DRAXIN: variants seen among roughly 807,000 people sequenced by gnomAD.
DRAXIN encodes dorsal inhibitory axon guidance protein.
A neutral mutation model predicts 33.9 loss-of-function variants in DRAXIN; 27 were observed. The ratio of observed to expected loss-of-function variants is 0.80; its 90% CI spans 0.59 to 1.10. The LOEUF (loss-of-function observed/expected upper bound fraction) is 1.10, where lower values mean the gene tolerates loss of function less well. Ranked by LOEUF, DRAXIN falls within the 50% of genes least tolerant of loss-of-function variation. The pLI is 0.00. For missense variants in DRAXIN, 371 were observed against 460.8 expected, an observed-to-expected ratio of 0.81 and a Z score of 1.78; for synonymous variants, 178 against 194.0, an observed-to-expected ratio of 0.92 and a Z score of 0.69.
intron 2 of DRAXIN, 95 bp from the exon 3 acceptor site, chr1:11,709,180 C>A (rs1641435912): frequency 7.7e-7 from 1 of 1,303,744 alleles, no homozygotes; most frequent in Admixed American, 2.8e-5. Flanking sequence ...GTGCCTGCTG[C>A]CTCCTAGTTT....
chr1:11,714,506 C>T (rs574631311), intron 5 of DRAXIN, among the ~76,000 whole-genome samples: 5 of 152,342 alleles, frequency 3.3e-5, no homozygotes, highest in South Asian at 4.1e-4. Context: ...CAAGAGAGAT[C>T]GGAGCGGCAC....
At position 11,719,670 on chromosome 1, in the gene DRAXIN, G is replaced by T. The variant is rs759042890; in HGVS notation, c.1024G>T (p.Asp342Tyr). ...RCVEPETANGDQGSFINV is the reference protein window; with the variant it reads ...RCVEPETANGYQGSFINV The stretch of plus-strand genomic sequence containing the variant: ...TGTGGAGCCCGAGACGGCCAACGGC[G>T]ACCAGGGATCCTTCATCAACGTCTA... Residue 342 changes from aspartate (D) to tyrosine (Y), a missense_variant, in exon 7 of 7, where the codon GAC becomes TAC. Coordinates refer to ENST00000294485, the MANE Select transcript of DRAXIN (RefSeq NM_198545.4). 2 of 1,613,918 alleles carry T rather than the reference G, an allele frequency of 1.2e-6. No homozygotes were observed. The highest frequency in any genetic ancestry group is 2.2e-5 in the East Asian group (1 of 44,894).
At chr1:11,690,929 A>AGTGT (rs57223755), upstream of DRAXIN, among the ~76,000 whole-genome samples, 474 of 150,654 alleles carry the variant, frequency 3.1e-3, 5 homozygotes, top group African/African-American at 0.011. The surrounding 1 kb of genome is among the most constrained non-coding windows in gnomAD (Gnocchi z 4.2). Flanking sequence ...GCCGCGTGTG[A>AGTGT]GTGTGTGTGT....
rs1015110504 is a variant in DRAXIN at position 11,723,110 on chromosome 1, A to C, written c.*3414A>C. The C allele has an allele frequency of 2.0e-5, 3 of 152,144 alleles. No individual in the cohort carries two copies. Among genetic ancestry groups the C allele is most frequent in the African/African-American group, 7.2e-5 (3 of 41,434 alleles). The allele number at this position is 152,144 out of a possible 1,614,324, so 9.4% of individuals were successfully genotyped here. On this transcript the variant is annotated 3_prime_UTR_variant, in exon 7 of 7. Transcript: ENST00000294485. Reference sequence around the variant, plus strand: ...CCAAAATGCTGGGATTACAGGTGTGAGCCACCGCACCTGGCCATAAAATAT... The same window carrying C: ...CCAAAATGCTGGGATTACAGGTGTGCGCCACCGCACCTGGCCATAAAATAT...
rs1570315478 is a variant in DRAXIN at position 11,709,599 on chromosome 1, TCTC to T, written c.642+137_642+139del. On this transcript the variant is annotated intron_variant, in intron 3 of 6. Coordinates refer to ENST00000294485, the MANE Select transcript of DRAXIN (RefSeq NM_198545.4). ...AGAGCTTACTTAGATTGAAACCAGA[TCTC>T]CTGCTGCCCATCCAGTCTAGCTCCA... 15 of 1,108,792 alleles carry T rather than the reference TCTC, an allele frequency of 1.4e-5. No individual in the cohort carries two copies. In the East Asian group the frequency reaches 4.1e-4, roughly 30 times the overall value. 68.7% of individuals were successfully genotyped at this position (1,108,792 alleles called of 1,614,324 possible).
intron 1 of DRAXIN, among the ~76,000 whole-genome samples, chr1:11,698,231 G>C (rs1641222398): frequency 6.6e-6 from 1 of 152,176 alleles, no homozygotes; most frequent in South Asian, 2.1e-4. Context: ...CTTGGGAAGA[G>C]CTCAGCCCAG....
rs12138636 is a variant in DRAXIN at position 11,721,877 on chromosome 1, T to C, written c.*2181T>C. The C allele has an allele frequency of 2.0e-5, 3 of 152,088 alleles. No homozygotes were observed. Among genetic ancestry groups the C allele is most frequent in the Admixed American group, 6.6e-5 (1 of 15,260 alleles). 9.4% of individuals were successfully genotyped at this position (152,088 alleles called of 1,614,324 possible). A position where few individuals can be genotyped will look rare whatever the true frequency, so the allele number is the denominator to read the frequency against. On this transcript the variant is annotated 3_prime_UTR_variant, in exon 7 of 7. Transcript: ENST00000294485. ...GGGCTCATGTCTGACATCCCAGCAC[T>C]CTGGGAGGCCGAGGTAGGCAGATCA...
intron 1 of DRAXIN, among the ~76,000 whole-genome samples, chr1:11,698,841 C>T (rs762546909): frequency 6.6e-6 from 1 of 152,168 alleles, no homozygotes; most frequent in South Asian, 2.1e-4. Flanking sequence ...TAGGGCAGAG[C>T]AAGACTCTGT....
intron 5 of DRAXIN, among the ~76,000 whole-genome samples, chr1:11,714,106 A>G (rs1641537936): frequency 6.6e-6 from 1 of 152,110 alleles, no homozygotes; most frequent in Admixed American, 6.6e-5. Context: ...TCAGGAGGCT[A>G]AGGCAGGAGG....
At position 11,704,915 on chromosome 1, in the gene DRAXIN, G is replaced by T. The variant is rs947128808; in HGVS notation, c.-10-1334G>T. On this transcript the variant is annotated intron_variant, in intron 1 of 6. Transcript: ENST00000294485. The surrounding 1 kb of genome is among the most constrained non-coding windows in gnomAD (Gnocchi z 4.6). ...GTGAAGCCACCACAGACCCTGCGAG[G>T]CTGGAGAAGGTGTTTCCCCCCTCCC... 6.6e-6 allele frequency among the ~76,000 whole-genome samples: 1 copy of T among 152,158 alleles called. No individual in the cohort carries two copies. Among genetic ancestry groups the T allele is most frequent in the Non-Finnish European group, 1.5e-5 (1 of 68,014 alleles).
chr1:11,689,116 C>T (rs747079626), upstream of DRAXIN, among the ~76,000 whole-genome samples: 3 of 151,706 alleles, frequency 2.0e-5, no homozygotes, highest in Non-Finnish European at 2.9e-5. Flanking sequence ...GGCAACATGG[C>T]GAAACCCTGT....
chr1:11,691,119 C>T (rs1052017373), upstream of DRAXIN, among the ~76,000 whole-genome samples: 3 of 152,212 alleles, frequency 2.0e-5, no homozygotes, highest in African/African-American at 7.2e-5. Flanking sequence ...TGCGCACTTT[C>T]TGCGGCTACA....
At chr1:11,703,924 G>T (rs1426621482) in intron 1 of DRAXIN, among the ~76,000 whole-genome samples, 1 of 152,142 alleles carries the variant, frequency 6.6e-6, no homozygotes, top group African/African-American at 2.4e-5. Context: ...GTGTTGGAGT[G>T]GGGCAGGAGT....
In DRAXIN at chr1:11,723,291, C is replaced by T. The variant is rs1570325255; in HGVS notation, c.*3595C>T. On this transcript the variant is annotated 3_prime_UTR_variant, in exon 7 of 7. Coordinates refer to ENST00000294485, the MANE Select transcript of DRAXIN (RefSeq NM_198545.4). Reference sequence around the variant, plus strand: ...CACTCTCAACGCTGGCTGCACGTTGCAATAATCCAGGAACATTCACAGGCC... The same window carrying T: ...CACTCTCAACGCTGGCTGCACGTTGTAATAATCCAGGAACATTCACAGGCC... 6.6e-6 allele frequency: 1 copy of T among 152,224 alleles called. No individual in the cohort carries two copies. Among genetic ancestry groups the T allele is most frequent in the African/African-American group, 2.4e-5 (1 of 41,450 alleles). The allele number at this position is 152,224 out of a possible 1,614,324, so 9.4% of individuals were successfully genotyped here.
intron 1 of DRAXIN, among the ~76,000 whole-genome samples, chr1:11,701,601 T>C (rs1471525488): frequency 6.6e-6 from 1 of 152,208 alleles, no homozygotes; most frequent in Admixed American, 6.5e-5. Context: ...GTTGTGGATG[T>C]TCCTGCCATC....
intron 5 of DRAXIN, among the ~76,000 whole-genome samples, chr1:11,714,359 G>A (rs1404894511): frequency 6.6e-6 from 1 of 152,228 alleles, no homozygotes; most frequent in Non-Finnish European, 1.5e-5. Flanking sequence ...TGTTAGACGA[G>A]GCCCGTGCTG....
Position 11,719,582 on chromosome 1 carries a change from A to G in DRAXIN, c.938-2A>G, listed in dbSNP as rs199827657. The G allele has an allele frequency of 3.0e-5, 48 of 1,609,942 alleles. No homozygotes were observed. The Admixed American group carries it at 6.0e-4, about 20-fold the overall frequency. On this transcript the variant is annotated splice_acceptor_variant, in intron 6 of 6. Coordinates refer to ENST00000294485, the MANE Select transcript of DRAXIN (RefSeq NM_198545.4). LOFTEE classifies it high-confidence loss of function. Reference sequence around the variant, plus strand: ...TGACCCCCCTTGCCTCCACTCGCCCAGGGCTGCGCTGCTATGCCAAATTCC... The same window carrying G: ...TGACCCCCCTTGCCTCCACTCGCCCGGGGCTGCGCTGCTATGCCAAATTCC...
intron 1 of DRAXIN, among the ~76,000 whole-genome samples, chr1:11,703,207 A>C (rs1641325707): frequency 6.6e-6 from 1 of 152,228 alleles, no homozygotes. Flanking sequence ...TGACGGTCCC[A>C]GCACAAAATG....
chr1:11,721,949 C>T lies in DRAXIN; in HGVS notation c.*2253C>T, dbSNP rs992616936. 3.7e-4 allele frequency: 57 copies of T among 152,198 alleles called. No homozygotes were observed. The highest frequency in any genetic ancestry group is 1.3e-3 in the African/African-American group (55 of 41,522). 9.4% of individuals were successfully genotyped at this position (152,198 alleles called of 1,614,324 possible). On this transcript the variant is annotated 3_prime_UTR_variant, in exon 7 of 7. Coordinates refer to ENST00000294485, the MANE Select transcript of DRAXIN (RefSeq NM_198545.4). The stretch of plus-strand genomic sequence containing the variant: ...ACAGCCTGACCAACATGGTGAAACC[C>T]CATCTCTACTAAAAATACAAAAATT...
Sources: gnomAD v4.1 joint callset for allele counts (sites outside exome capture counted in the v4.1 genomes callset) on GRCh38, gnomAD v4.1.1 for gene constraint, Gnocchi (gnomAD v3.1) non-coding constraint, MANE v1.5 for transcripts, NCBI Gene and HGNC (gene_info 2026-07-23, HGNC 2026-07-21) for gene names.